The following AGBL4 variants were observed in gnomAD, a reference collection of about 807,000 sequenced individuals.
AGBL4 encodes the protein cytosolic carboxypeptidase 6.
Under a neutral mutation model 66.4 loss-of-function variants are expected in AGBL4, and 58 were observed. The observed-to-expected ratio is 0.87, with a 90% confidence interval of 0.71 to 1.09. The LOEUF is 1.09. Among genes scored for constraint, AGBL4 ranks in the 50% least tolerant of loss-of-function variants. The probability of loss-of-function intolerance (pLI) is 0.00; values close to 1 mark genes in which losing one functional copy is unlikely to be tolerated. For missense variants in AGBL4, 579 were observed against 631.0 expected (o/e 0.92, Z 0.88); for synonymous variants, 234 against 222.9 (o/e 1.05, Z -0.44).
At chr1:48,978,525 A>C (rs1188868868) in intron 5 of AGBL4, among the ~76,000 whole-genome samples, 6 of 152,136 alleles carry the variant, frequency 3.9e-5, no homozygotes. Context: ...CCCTCTCCTC[A>C]AAGGTCTGAA....
intron 6 of AGBL4, among the ~76,000 whole-genome samples, chr1:48,691,174 A>AC (rs1262066736): frequency 0.034 from 5,120 of 148,888 alleles, 298 homozygotes; most frequent in African/African-American, 0.12. Flanking sequence ...AAAAAAAAAA[A>AC]ACACATATAT....
chr1:49,614,236 C>T (rs1030800211), intron 3 of AGBL4, among the ~76,000 whole-genome samples: 2 of 152,142 alleles, frequency 1.3e-5, no homozygotes, highest in African/African-American at 4.8e-5. Context: ...CAAGGATAAC[C>T]ACTATCCTGA....
intron 2 of AGBL4, among the ~76,000 whole-genome samples, chr1:49,808,784 T>C (rs1400415985): frequency 1.3e-5 from 2 of 152,124 alleles, no homozygotes; most frequent in Non-Finnish European, 2.9e-5. Flanking sequence ...ATATAGATAA[T>C]TTGCACATGG....
intron 1 of AGBL4, chr1:49,865,928 G>A (rs1646688910): frequency 2.4e-6 from 1 of 409,220 alleles, no homozygotes. Flanking sequence ...ACCTGAAGGA[G>A]CTGAAAAACA....
chr1:48,962,543 G>T (rs1571108761), intron 5 of AGBL4, among the ~76,000 whole-genome samples: 1 of 152,168 alleles, frequency 6.6e-6, no homozygotes, highest in East Asian at 1.9e-4. Context: ...TTAGGACTCT[G>T]CATTGTTCTT....
At chr1:49,441,877 C>G (rs1646039946) in intron 3 of AGBL4, among the ~76,000 whole-genome samples, 1 of 152,124 alleles carries the variant, frequency 6.6e-6, no homozygotes, top group African/African-American at 2.4e-5. Context: ...GGCCAATGAA[C>G]AAAATGGCCA....
At chr1:49,904,983 CA>C (rs1382564495) in intron 1 of AGBL4, among the ~76,000 whole-genome samples, 1 of 152,098 alleles carries the variant, frequency 6.6e-6, no homozygotes, top group Non-Finnish European at 1.5e-5. Flanking sequence ...CTGAACACAA[CA>C]TGAGTTTTAT....
chr1:48,625,237 C>T (rs1227445962), intron 9 of AGBL4, among the ~76,000 whole-genome samples: 1 of 151,652 alleles, frequency 6.6e-6, no homozygotes, highest in East Asian at 1.9e-4. Flanking sequence ...CACTTTGTTG[C>T]CCAGGCTGGT....
chr1:49,223,815 T>C (rs1443597233), intron 4 of AGBL4, among the ~76,000 whole-genome samples: 1 of 152,178 alleles, frequency 6.6e-6, no homozygotes. Flanking sequence ...TTTACATCAG[T>C]TATTGACCAG....
At chr1:49,367,966 G>A (rs1467674077) in intron 3 of AGBL4, among the ~76,000 whole-genome samples, 1 of 152,008 alleles carries the variant, frequency 6.6e-6, no homozygotes, top group African/African-American at 2.4e-5. Context: ...TCTGCTTTCT[G>A]TCTCTATGGA....
chr1:49,689,182 CT>C (rs1265747460), intron 3 of AGBL4, among the ~76,000 whole-genome samples: 1 of 152,078 alleles, frequency 6.6e-6, no homozygotes, highest in Non-Finnish European at 1.5e-5. Context: ...TCAATGTTTT[CT>C]TTTAGTAGTT....
intron 1 of AGBL4, among the ~76,000 whole-genome samples, chr1:49,860,768 CAAAAAAA>C (rs113628251): frequency 7.5e-6 from 1 of 133,580 alleles, no homozygotes. Context: ...CCTTCCCCAG[CAAAAAAA>C]AAAACAAAAA....
intron 2 of AGBL4, among the ~76,000 whole-genome samples, chr1:49,789,145 A>C (rs1644531144): frequency 6.6e-6 from 1 of 152,166 alleles, no homozygotes; most frequent in Non-Finnish European, 1.5e-5. Context: ...GATTACATTT[A>C]TTGATTTGAG....
At chr1:48,574,041 T>C (rs1021815280) in intron 11 of AGBL4, among the ~76,000 whole-genome samples, 1 of 152,228 alleles carries the variant, frequency 6.6e-6, no homozygotes, top group Non-Finnish European at 1.5e-5. Context: ...CTCCAAAGAC[T>C]ATGCTTGCTT....
At chr1:48,600,494 G>C (rs1379844102) in intron 9 of AGBL4, among the ~76,000 whole-genome samples, 1 of 152,194 alleles carries the variant, frequency 6.6e-6, no homozygotes, top group Non-Finnish European at 1.5e-5. Flanking sequence ...AGCCCAAGCA[G>C]TCTGGCTCTG....
chr1:49,782,173 C>T (rs1644352231), intron 2 of AGBL4, among the ~76,000 whole-genome samples: 1 of 151,518 alleles, frequency 6.6e-6, no homozygotes, highest in Non-Finnish European at 1.5e-5. Context: ...TCAATAAAAC[C>T]AAAAGTTAGT....
At chr1:49,211,118 A>G (rs1005882681) in intron 4 of AGBL4, among the ~76,000 whole-genome samples, 1 of 152,088 alleles carries the variant, frequency 6.6e-6, no homozygotes, top group Non-Finnish European at 1.5e-5. Context: ...ACAACATTCC[A>G]TCACATCCAT....
In AGBL4 at chr1:49,953,822, T is replaced by TA. The variant is rs57922131; in HGVS notation, c.34+69940dup. On this transcript the variant is annotated intron_variant, in intron 1 of 13. Transcript: ENST00000371839. ...AGAGTGCTAAAATTGCTAAATCACC[T>TA]ACCCAATATTCTTTCTTATCTCTAT... 1.5e-3 allele frequency among the ~76,000 whole-genome samples: 221 copies of TA among 152,092 alleles called. 8 individuals carry two copies. The East Asian group carries it at 0.039, about 27-fold the overall frequency.
chr1:48,537,995 C>T (rs1015096245), intron 12 of AGBL4, among the ~76,000 whole-genome samples: 3 of 152,150 alleles, frequency 2.0e-5, no homozygotes, highest in Non-Finnish European at 4.4e-5. Flanking sequence ...TGAATGTATA[C>T]ATGCACGTAT....
Sources: gnomAD v4.1 joint callset for allele counts (sites outside exome capture counted in the v4.1 genomes callset) on GRCh38, gnomAD v4.1.1 for gene constraint, MANE v1.5 for transcripts, NCBI Gene and HGNC (gene_info 2026-07-23, HGNC 2026-07-21) for gene names.